Variants in FER observed in about 807,000 individuals in gnomAD.
The protein encoded by FER is tyrosine-protein kinase Fer.
FER carries 63 observed loss-of-function variants against 111.0 expected under a neutral mutation model. That is an observed-to-expected ratio of 0.57 (90% CI 0.46 to 0.70). The LOEUF (loss-of-function observed/expected upper bound fraction) is 0.70, where lower values mean the gene tolerates loss of function less well. Ranked by LOEUF, FER falls within the 30% of genes least tolerant of loss-of-function variation. FER has a pLI of 0.00. For synonymous variants in FER, 327 were observed against 313.9 expected (o/e 1.04, Z -0.44); for missense variants, 914 against 954.0 (o/e 0.96, Z 0.55).
chr5:108,976,728 A>G (rs1761399350), intron 13 of FER, among the ~76,000 whole-genome samples: 1 of 152,222 alleles, frequency 6.6e-6, no homozygotes, highest in South Asian at 2.1e-4. Context: ...TATAAGGAAG[A>G]GATACTACAT....
chr5:108,867,831 C>T lies in FER; in HGVS notation c.546C>T (p.His182=), dbSNP rs1764225600. The T allele has an allele frequency of 6.2e-7, 1 of 1,612,296 alleles. No individual in the cohort carries two copies. Among genetic ancestry groups the T allele is most frequent in the South Asian group, 1.1e-5 (1 of 91,020 alleles). The change falls in exon 6 of 20, where the codon CAC becomes CAT. Residue 182 remains histidine, a synonymous_variant. Coordinates refer to ENST00000281092, the MANE Select transcript of FER (RefSeq NM_005246.4). Reference sequence around the variant, plus strand: ...CCACAATGAAACTTCATATGTTGCACAATCAGTATGTATTGGCGTTGAAAG... The same window carrying T: ...CCACAATGAAACTTCATATGTTGCATAATCAGTATGTATTGGCGTTGAAAG... The part of the protein sequence containing the change: ...DKATMKLHML[H]NQYVLALKGA...
chr5:108,944,151 ACT>A (rs1220047634), intron 10 of FER, among the ~76,000 whole-genome samples: 42 of 151,888 alleles, frequency 2.8e-4, no homozygotes, highest in African/African-American at 9.9e-4. Flanking sequence ...AAACACACAC[ACT>A]GTCTCATTTA....
chr5:109,184,359 A>G (rs1365264093), intron 18 of FER, among the ~76,000 whole-genome samples: 1 of 152,210 alleles, frequency 6.6e-6, no homozygotes, highest in African/African-American at 2.4e-5. Flanking sequence ...TTTTCCCTAT[A>G]GAGTATTATG....
rs1760394260 is a variant in FER, at chr5:108,834,489, G to A, written c.382-1219G>A. ...AAGATGGGCAGATCGCCTGAGGTCA[G>A]GAGTTCAAGACCAGCCTGGGCAACA... On this transcript the variant is annotated intron_variant, in intron 4 of 19. Coordinates refer to ENST00000281092, the MANE Select transcript of FER (RefSeq NM_005246.4). Among the ~76,000 whole-genome samples, 3 of 152,220 alleles carry A rather than the reference G, an allele frequency of 2.0e-5. No individual in the cohort carries two copies. In the South Asian group the frequency reaches 6.2e-4, roughly 32 times the overall value.
At chr5:108,850,489 A>G (rs1198552779) in intron 5 of FER, among the ~76,000 whole-genome samples, 1 of 152,056 alleles carries the variant, frequency 6.6e-6, no homozygotes, top group Non-Finnish European at 1.5e-5. Flanking sequence ...CCTTTAAGTA[A>G]TTTGTCGTTG....
chr5:109,037,207 G>T (rs560938703), intron 13 of FER, among the ~76,000 whole-genome samples: 1 of 152,116 alleles, frequency 6.6e-6, no homozygotes, highest in South Asian at 2.1e-4. Context: ...ATTTCTGATA[G>T]AATTTGGCTG....
At chr5:108,769,503 T>C (rs1352045807) in intron 2 of FER, among the ~76,000 whole-genome samples, 1 of 152,172 alleles carries the variant, frequency 6.6e-6, no homozygotes, top group Non-Finnish European at 1.5e-5. Context: ...TTTATATCAT[T>C]TTAACTGCTG....
chr5:108,968,047 A>T (rs1760131227), intron 13 of FER, among the ~76,000 whole-genome samples: 1 of 152,136 alleles, frequency 6.6e-6, no homozygotes, highest in African/African-American at 2.4e-5. Flanking sequence ...AGAAGATATA[A>T]TCAGAGAAAC....
chr5:109,192,369 TAAAAA>T lies in FER; in HGVS notation c.*4796_*4800del, dbSNP rs998973256. The T allele has an allele frequency of 4.7e-4, 72 of 151,986 alleles. No homozygotes were observed. The highest frequency in any genetic ancestry group is 1.7e-3 in the African/African-American group (72 of 41,456). 9.4% of individuals were successfully genotyped at this position (151,986 alleles called of 1,614,324 possible). A position where few individuals can be genotyped will look rare whatever the true frequency, so the allele number is the denominator to read the frequency against. On this transcript the variant is annotated 3_prime_UTR_variant, in exon 20 of 20. Coordinates refer to ENST00000281092, the MANE Select transcript of FER (RefSeq NM_005246.4). ...AGGCCAGATCCTGTCCTATGGAAAA[TAAAAA>T]AGATCAGCAGAACTAAAGCAAAAGC...
rs888141808 is a variant in FER, at chr5:109,051,566, G to T, written c.1924+4368G>T. The T allele has an allele frequency of 5.0e-6, 8 of 1,609,574 alleles. No individual in the cohort carries two copies. The African/African-American group carries it at 8.0e-5, about 16-fold the overall frequency. On this transcript the variant is annotated intron_variant, in intron 16 of 19. Transcript: ENST00000281092. ...TCACTTGCTTGCTTGTCGTAATTGC[G>T]GCAAGAAGAATTGTTTCTGTCGCCA...
chr5:108,983,839 GAC>G (rs1297435333), intron 13 of FER, among the ~76,000 whole-genome samples: 1 of 152,114 alleles, frequency 6.6e-6, no homozygotes, highest in Admixed American at 6.6e-5. Context: ...AGAATTATGA[GAC>G]ATCTCAAATA....
At chr5:108,828,095 C>G (rs555911199) in intron 3 of FER, among the ~76,000 whole-genome samples, 11 of 152,096 alleles carry the variant, frequency 7.2e-5, no homozygotes, top group African/African-American at 2.7e-4. Flanking sequence ...CTCTCGAGCT[C>G]CTGGCCTCAA....
At chr5:108,893,070 G>A (rs955516271) in intron 9 of FER, among the ~76,000 whole-genome samples, 1 of 152,116 alleles carries the variant, frequency 6.6e-6, no homozygotes. Flanking sequence ...GGTTACTGTA[G>A]CCTTGTAGTA....
At chr5:108,781,545 A>T (rs1437128006) in intron 2 of FER, among the ~76,000 whole-genome samples, 2 of 152,276 alleles carry the variant, frequency 1.3e-5, no homozygotes, top group African/African-American at 4.8e-5. Context: ...TTGATAGCTG[A>T]AGCTGATGTC....
At chr5:108,824,320 C>T (rs996859958) in intron 3 of FER, among the ~76,000 whole-genome samples, 2 of 151,124 alleles carry the variant, frequency 1.3e-5, no homozygotes, top group African/African-American at 2.4e-5. Context: ...ATTCTAATGT[C>T]GTTTTTTATC....
At chr5:109,046,768 C>T (rs369687266) in intron 15 of FER, among the ~76,000 whole-genome samples, 1 of 151,968 alleles carries the variant, frequency 6.6e-6, no homozygotes, top group Non-Finnish European at 1.5e-5. Context: ...ATAACATTTA[C>T]ATTATATTAG....
Position 109,065,185 on chromosome 5 carries a change from G to A in FER, c.1924+17987G>A, listed in dbSNP as rs146983927. ...ATGAAATTTTCATTTTATCAGAATT[G>A]TAAGGAAAACTATAATTTCATTAAA... On this transcript the variant is annotated intron_variant, in intron 16 of 19. Coordinates refer to ENST00000281092, the MANE Select transcript of FER (RefSeq NM_005246.4). Among the ~76,000 whole-genome samples, 884 of 152,160 alleles carry A rather than the reference G, an allele frequency of 5.8e-3. 6 individuals are homozygous for A. The highest frequency in any genetic ancestry group is 0.02 in the African/African-American group (844 of 41,528).
intron 13 of FER, among the ~76,000 whole-genome samples, chr5:109,010,995 A>G (rs564840189): frequency 6.6e-6 from 1 of 152,226 alleles, no homozygotes; most frequent in Non-Finnish European, 1.5e-5. Flanking sequence ...AAAATTACCC[A>G]TGAGCCTCAC....
At chr5:109,145,475 A>AT (rs994882277) in intron 17 of FER, among the ~76,000 whole-genome samples, 1 of 151,840 alleles carries the variant, frequency 6.6e-6, no homozygotes, top group East Asian at 1.9e-4. Flanking sequence ...TTTCTTTACA[A>AT]TTTTTTTCTT....
Sources: gnomAD v4.1 joint callset for allele counts (sites outside exome capture counted in the v4.1 genomes callset) on GRCh38, gnomAD v4.1.1 for gene constraint, MANE v1.5 for transcripts, NCBI Gene and HGNC (gene_info 2026-07-23, HGNC 2026-07-21) for gene names.